The following PRC1 variants were observed in gnomAD, a reference collection of about 807,000 sequenced individuals.
PRC1 encodes the protein protein regulator of cytokinesis 1.
PRC1 carries 54 observed loss-of-function variants against 91.2 expected under a neutral mutation model. The ratio of observed to expected loss-of-function variants is 0.59; its 90% CI spans 0.48 to 0.74. The LOEUF (loss-of-function observed/expected upper bound fraction) is 0.74. PRC1 is among the 30% of genes least tolerant of loss of function. The probability of loss-of-function intolerance (pLI) is 0.00; values close to 1 mark genes in which losing one functional copy is unlikely to be tolerated. For missense variants in PRC1, 727 were observed against 746.2 expected, an observed-to-expected ratio of 0.97 and a Z score of 0.30; for synonymous variants, 275 against 263.6, an observed-to-expected ratio of 1.04 and a Z score of -0.42.
rs779584335 is a variant in PRC1 at position 90,981,812 on chromosome 15, G to A, written c.437C>T (p.Ser146Leu). ...GTTCAGCTCTTCTAAGCTGGGCACT[G>A]AGGCACTGTCAATATCATAGTGGGG... ...CMPHYDIDSA[S>L]VPSLEELNQF... The change falls in exon 4 of 15, where the codon TCA becomes TTA. Residue 146 changes from serine to leucine, a missense_variant. Physicochemically the swap from Ser to Leu is moderately radical, Grantham distance 145. Transcript: ENST00000394249. 5.6e-6 allele frequency: 9 copies of A among 1,614,218 alleles called. No individual in the cohort carries two copies. In the South Asian group the frequency reaches 6.6e-5, roughly 12 times the overall value.
At chr15:90,971,231 GAC>G (rs748314579) in intron 11 of PRC1, among the ~76,000 whole-genome samples, 2 of 152,176 alleles carry the variant, frequency 1.3e-5, no homozygotes, top group Non-Finnish European at 2.9e-5. Context: ...AAATTATGGT[GAC>G]AGTTTCATTG....
At chr15:90,979,405 T>C (rs2039002776) in intron 7 of PRC1, 111 bp from the exon 8 acceptor site, 8 of 1,261,474 alleles carry the variant, frequency 6.3e-6, no homozygotes, top group East Asian at 2.3e-5. Context: ...TATAGTAAAC[T>C]GATACAGGAA....
chr15:90,978,047 C>G (rs758267941), intron 8 of PRC1, among the ~76,000 whole-genome samples: 4 of 152,220 alleles, frequency 2.6e-5, no homozygotes, highest in Non-Finnish European at 4.4e-5. Context: ...AATTCAGATT[C>G]TCTGAAGGCC....
rs756097469 is a variant in PRC1, at chr15:90,980,204, CCAAA to C, written c.970+34_970+37del. ...CTGGGCAACAGAGTAAGACCTGTCT[CCAAA>C]CAAACAAACCAAAGACCTCACTCTT... On this transcript the variant is annotated intron_variant, in intron 7 of 14. Coordinates refer to ENST00000394249, the MANE Select transcript of PRC1 (RefSeq NM_003981.4). The C allele has an allele frequency of 3.9e-6, 6 of 1,555,414 alleles. No individual in the cohort carries two copies. In the African/African-American group the frequency reaches 4.1e-5, roughly 11 times the overall value.
At chr15:90,967,870 G>T in intron 14 of PRC1, 1 of 985,466 alleles carries the variant, frequency 1.0e-6, no homozygotes, top group Non-Finnish European at 1.2e-6. Flanking sequence ...AGTTGTCAAG[G>T]TAAGTAGGCA....
intron 3 of PRC1, 69 bp from the exon 4 acceptor site, chr15:90,982,050 A>G (rs1275047386): frequency 7.1e-7 from 1 of 1,413,822 alleles, no homozygotes; most frequent in South Asian, 1.2e-5. Flanking sequence ...GAAGGACAAC[A>G]TAAGAAGGCG....
intron 3 of PRC1, 165 bp from the exon 4 acceptor site, chr15:90,982,146 TC>T: frequency 1.5e-6 from 1 of 661,538 alleles, no homozygotes; most frequent in Non-Finnish European, 2.6e-6. Context: ...CTAAGGAAGG[TC>T]CCAGTGAGGA....
At position 90,984,861 on chromosome 15, in the gene PRC1, A is replaced by G; in HGVS notation, c.12-36T>C. ...AAAACTAAGGCCTGTTAGTTACATCAGTCACAGCCTCTGGACTAAAAGCAC... is the reference window on the plus strand; with the variant it reads ...AAAACTAAGGCCTGTTAGTTACATCGGTCACAGCCTCTGGACTAAAAGCAC... On this transcript the variant is annotated intron_variant, in intron 1 of 14. Transcript: ENST00000394249. This position sits in a 1 kb window ranked among gnomAD's most constrained non-coding sequence, Gnocchi z 5.1. 1 of 1,611,996 alleles carries G rather than the reference A, an allele frequency of 6.2e-7. No homozygotes were observed. Among genetic ancestry groups the G allele is most frequent in the Non-Finnish European group, 8.5e-7 (1 of 1,179,102 alleles).
rs537358864 is a variant in PRC1 at position 90,990,109 on chromosome 15, C to T, written c.11+4298G>A. 1.5e-4 allele frequency among the ~76,000 whole-genome samples: 23 copies of T among 152,084 alleles called. No individual in the cohort carries two copies. The East Asian group carries it at 4.5e-3, about 30-fold the overall frequency. ...ATCCCAGCACTTTGGGTGCCAAGAC[C>T]GGCGGATCACGAGGTCAGGAGTTTG... On this transcript the variant is annotated intron_variant, in intron 1 of 14. Transcript: ENST00000394249.
intron 8 of PRC1, among the ~76,000 whole-genome samples, chr15:90,977,969 T>C (rs2038876447): frequency 6.6e-6 from 1 of 152,192 alleles, no homozygotes; most frequent in South Asian, 2.1e-4. Context: ...CTTAAGCAGC[T>C]GTAAGATATC....
Position 90,966,503 on chromosome 15 carries a change from C to T in PRC1, c.*628G>A. ...CGACAAGCATGTGTGTTCATACATGCATACCCCCAACAAAGGGCAATGCAC... is the reference window on the plus strand; with the variant it reads ...CGACAAGCATGTGTGTTCATACATGTATACCCCCAACAAAGGGCAATGCAC... On this transcript the variant is annotated 3_prime_UTR_variant, in exon 15 of 15. Transcript: ENST00000394249. 2.2e-6 allele frequency: 1 copy of T among 449,926 alleles called. No homozygotes were observed. The highest frequency in any genetic ancestry group is 4.5e-6 in the Non-Finnish European group (1 of 222,712). 27.9% of individuals were successfully genotyped at this position (449,926 alleles called of 1,614,324 possible).
Position 90,966,617 on chromosome 15 carries a change from GAC to G in PRC1, c.*512_*513del, listed in dbSNP as rs137904575. On this transcript the variant is annotated 3_prime_UTR_variant, in exon 15 of 15. Coordinates refer to ENST00000394249, the MANE Select transcript of PRC1 (RefSeq NM_003981.4). ...AGTAGGGCAGGCCATCTCAACTTCG[GAC>G]ACACAAAGACATTCTCTTCAGGAGG... The G allele has an allele frequency of 6.6e-6, 3 of 456,040 alleles. No individual in the cohort carries two copies. The highest frequency in any genetic ancestry group is 1.4e-4 in the East Asian group (2 of 14,404). 28.2% of individuals were successfully genotyped at this position (456,040 alleles called of 1,614,324 possible).
intron 7 of PRC1, among the ~76,000 whole-genome samples, chr15:90,979,609 G>A (rs572488753): frequency 3.9e-5 from 6 of 152,256 alleles, no homozygotes; most frequent in African/African-American, 1.2e-4. Context: ...CCAGTAGAGG[G>A]GTGGATCACA....
chr15:90,990,809 C>T (rs2039936253), intron 1 of PRC1, among the ~76,000 whole-genome samples: 1 of 151,434 alleles, frequency 6.6e-6, no homozygotes, highest in Non-Finnish European at 1.5e-5. Flanking sequence ...GACAGAGTCT[C>T]AGTCTGGCAC....
intron 3 of PRC1, among the ~76,000 whole-genome samples, chr15:90,982,353 A>C (rs183004702): frequency 6.6e-6 from 1 of 152,324 alleles, no homozygotes; most frequent in East Asian, 1.9e-4. Flanking sequence ...ATACTCAAAC[A>C]AATAAGTCCC....
Position 90,973,613 on chromosome 15 carries a change from C to T in PRC1, c.1461+523G>A, listed in dbSNP as rs557775026. ...TATCTCGGTGTAAAACCCGATCGTA[C>T]GTACCTATGTTCGTTCTATTCTTAG... On this transcript the variant is annotated intron_variant, in intron 11 of 14. Transcript: ENST00000394249. Among the ~76,000 whole-genome samples the T allele has an allele frequency of 1.8e-4, 28 of 152,150 alleles. 2 individuals are homozygous for T. Among genetic ancestry groups the T allele is most frequent in the African/African-American group, 5.5e-4 (23 of 41,524 alleles).
At chr15:90,969,369 G>A in intron 13 of PRC1, 78 bp downstream of exon 13, 3 of 1,488,448 alleles carry the variant, frequency 2.0e-6, no homozygotes, top group Non-Finnish European at 2.7e-6. Context: ...AATAGCCTGG[G>A]TGCCCCTGGG....
chr15:90,972,707 C>T (rs2038265920), intron 11 of PRC1, among the ~76,000 whole-genome samples: 1 of 151,276 alleles, frequency 6.6e-6, no homozygotes, highest in Non-Finnish European at 1.5e-5. Flanking sequence ...CATTGCACTC[C>T]AGCCTAGGCA....
chr15:90,994,387 G>A lies in PRC1; in HGVS notation c.11+20C>T, dbSNP rs201311117. ...GCGTCGCTCCCTCCCGCGTCCCCTCGATTTCCCCGCAACCCGCACCTTCTC... is the reference window on the plus strand; with the variant it reads ...GCGTCGCTCCCTCCCGCGTCCCCTCAATTTCCCCGCAACCCGCACCTTCTC... On this transcript the variant is annotated intron_variant, in intron 1 of 14. Transcript: ENST00000394249. 143 of 1,611,256 alleles carry A rather than the reference G, an allele frequency of 8.9e-5. No individual in the cohort carries two copies. In the African/African-American group the frequency reaches 1.6e-3, roughly 18 times the overall value.
Sources: allele counts gnomAD v4.1 joint callset (sites outside exome capture counted in the v4.1 genomes callset), GRCh38; gene constraint gnomAD v4.1.1; non-coding constraint Gnocchi (gnomAD v3.1); transcripts MANE v1.5; gene names NCBI Gene and HGNC (gene_info 2026-07-23, HGNC 2026-07-21).